The following NCAM2 variants were observed in gnomAD, a reference collection of about 807,000 sequenced individuals.
NCAM2 encodes the protein N-CAM-2.
In NCAM2, 30 loss-of-function variants were observed where a neutral mutation model predicts 98.1. That is an observed-to-expected ratio of 0.31 (90% confidence interval 0.23 to 0.41). NCAM2 has a LOEUF of 0.41. Among genes scored for constraint, NCAM2 ranks in the 10% least tolerant of loss-of-function variants. The pLI is 1.00. For synonymous variants in NCAM2, 368 were observed against 342.4 expected (o/e 1.07, Z -0.83); for missense variants, 867 against 1,005.8 (o/e 0.86, Z 1.87).
intron 1 of NCAM2, among the ~76,000 whole-genome samples, chr21:21,254,425 T>A (rs1345092057): frequency 6.6e-6 from 1 of 152,226 alleles, no homozygotes; most frequent in African/African-American, 2.4e-5. Context: ...CAATAGAAGA[T>A]GTTCTTTATA....
At chr21:21,438,832 C>T (rs1978793802) in intron 12 of NCAM2, among the ~76,000 whole-genome samples, 1 of 151,830 alleles carries the variant, frequency 6.6e-6, no homozygotes, top group African/African-American at 2.4e-5. Context: ...CTTGTGAAAC[C>T]AACATTTTGG....
At chr21:21,379,429 C>T (rs1244049798) in intron 9 of NCAM2, among the ~76,000 whole-genome samples, 2 of 151,960 alleles carry the variant, frequency 1.3e-5, no homozygotes, top group African/African-American at 2.4e-5. Flanking sequence ...AGTGCTTTAA[C>T]GGAACCCCCC....
Position 21,358,597 on chromosome 21 carries a change from A to G in NCAM2, c.1045-15266A>G, listed in dbSNP as rs1766668333. 2.0e-5 allele frequency among the ~76,000 whole-genome samples: 3 copies of G among 152,078 alleles called. 1 individual carries two copies. The highest frequency in any genetic ancestry group is 1.3e-4 in the Admixed American group (2 of 15,266). ...CATATAGAATAAGTTACATAAAACA[A>G]ATTAGTTCATATGACTCATGTCTTC... On this transcript the variant is annotated intron_variant, in intron 8 of 17. Coordinates refer to ENST00000400546, the MANE Select transcript of NCAM2 (RefSeq NM_004540.5).
intron 10 of NCAM2, among the ~76,000 whole-genome samples, chr21:21,415,910 T>A (rs1395590960): frequency 6.6e-6 from 1 of 152,200 alleles, no homozygotes; most frequent in Non-Finnish European, 1.5e-5. Context: ...CTCCATAACA[T>A]GAGTAAGGCT....
At chr21:21,096,791 G>A (rs2142289) in intron 1 of NCAM2, among the ~76,000 whole-genome samples, 6,861 of 151,374 alleles carry the variant, frequency 0.045, 209 homozygotes, top group East Asian at 0.17. Flanking sequence ...GAATGTTTAC[G>A]TCTTTATTTG....
intron 1 of NCAM2, among the ~76,000 whole-genome samples, chr21:21,040,383 G>A (rs149794239): frequency 3.6e-4 from 55 of 152,146 alleles, no homozygotes; most frequent in Admixed American, 7.9e-4. Context: ...ATGTGTGTGC[G>A]TGGGTGTGTA....
chr21:21,375,619 A>C (rs983046013), intron 9 of NCAM2, among the ~76,000 whole-genome samples: 1 of 151,880 alleles, frequency 6.6e-6, no homozygotes, highest in African/African-American at 2.4e-5. Context: ...CAACAACATC[A>C]TTAGCAAATT....
At chr21:21,338,581 A>G (rs1466420608) in intron 8 of NCAM2, 47 bp downstream of exon 8, 1 of 1,478,470 alleles carries the variant, frequency 6.8e-7, no homozygotes, top group Non-Finnish European at 9.0e-7. Context: ...ATGCAATTTC[A>G]GTATTTTCAA....
At chr21:21,173,464 A>T (rs1285912259) in intron 1 of NCAM2, among the ~76,000 whole-genome samples, 1 of 152,176 alleles carries the variant, frequency 6.6e-6, no homozygotes, top group Admixed American at 6.5e-5. Flanking sequence ...TACAGCAGTG[A>T]AGTCTGAAAT....
At chr21:21,130,098 GA>G (rs1187544010) in intron 1 of NCAM2, among the ~76,000 whole-genome samples, 1 of 151,756 alleles carries the variant, frequency 6.6e-6, no homozygotes, top group African/African-American at 2.4e-5. Flanking sequence ...GGAACAATGA[GA>G]AAAAAATAAA....
chr21:21,076,658 T>G (rs982817210), intron 1 of NCAM2, among the ~76,000 whole-genome samples: 1 of 152,170 alleles, frequency 6.6e-6, no homozygotes, highest in Non-Finnish European at 1.5e-5. Context: ...CTAGTACATA[T>G]AAGTCACGAA....
chr21:21,113,282 A>T (rs1053493534), intron 1 of NCAM2, among the ~76,000 whole-genome samples: 1 of 152,226 alleles, frequency 6.6e-6, no homozygotes, highest in African/African-American at 2.4e-5. Context: ...TCACGGTGGC[A>T]CAAAATTGTT....
In NCAM2 at chr21:21,282,061, T is replaced by A. The variant is rs548365613; in HGVS notation, c.130+1409T>A. ...ATTTGTATATTGACAAATGAAAAAA[T>A]CAGAGAGTGTGGAAGAGATTGATTC... On this transcript the variant is annotated intron_variant, in intron 2 of 17. Transcript: ENST00000400546. Among the ~76,000 whole-genome samples the A allele has an allele frequency of 3.8e-4, 58 of 151,880 alleles. No homozygotes were observed. The South Asian group carries it at 0.012, about 32-fold the overall frequency.
chr21:21,177,235 T>A (rs997420389), intron 1 of NCAM2, among the ~76,000 whole-genome samples: 3 of 152,066 alleles, frequency 2.0e-5, no homozygotes, highest in Non-Finnish European at 4.4e-5. Context: ...GCAAATTATA[T>A]CCTACAAATA....
intron 1 of NCAM2, among the ~76,000 whole-genome samples, chr21:21,135,656 C>G (rs560682978): frequency 1.3e-5 from 2 of 152,308 alleles, no homozygotes; most frequent in East Asian, 3.9e-4. Flanking sequence ...TGTACTCTCA[C>G]TATCTCCACT....
chr21:21,411,046 A>ATATG (rs1555889830), intron 10 of NCAM2, among the ~76,000 whole-genome samples: 1 of 48,742 alleles, frequency 2.1e-5, no homozygotes, highest in African/African-American at 7.5e-5. Context: ...ACATATATAT[A>ATATG]TGTGTGTGTA....
intron 16 of NCAM2, among the ~76,000 whole-genome samples, chr21:21,532,373 G>A (rs1989753082): frequency 6.6e-6 from 1 of 151,934 alleles, no homozygotes; most frequent in South Asian, 2.1e-4. Context: ...TGTGTAGAAT[G>A]TCTCTGGAAA....
In NCAM2 at chr21:21,286,359, C is replaced by T. The variant is rs1020905832; in HGVS notation, c.428C>T (p.Ala143Val). 6.8e-6 allele frequency: 11 copies of T among 1,612,192 alleles called. No individual in the cohort carries two copies. Among genetic ancestry groups the T allele is most frequent in the African/African-American group, 6.7e-5 (5 of 74,814 alleles). ...GTTTGCCGAGTTAGCAGTTCACCTG[C>T]ACCTGCTGTCAGCTGGTTGTATCAT... ...EVVCRVSSSPAPAVSWLYHNE... is the reference protein window; with the variant it reads ...EVVCRVSSSPVPAVSWLYHNE... Residue 143 changes from alanine (A) to valine (V), a missense_variant, in exon 4 of 18, where the codon GCA becomes GTA. Transcript: ENST00000400546.
intron 11 of NCAM2, among the ~76,000 whole-genome samples, chr21:21,426,769 A>T (rs796192026): frequency 3.3e-5 from 5 of 152,284 alleles, no homozygotes; most frequent in African/African-American, 9.6e-5. Flanking sequence ...CCCCTCCAGC[A>T]TTCTAAACTG....
Sources: allele counts gnomAD v4.1 joint callset (sites outside exome capture counted in the v4.1 genomes callset), GRCh38; gene constraint gnomAD v4.1.1; transcripts MANE v1.5; gene names NCBI Gene and HGNC (gene_info 2026-07-23, HGNC 2026-07-21).